The following KIF26B variants were observed in gnomAD, a reference collection of about 807,000 sequenced individuals.
The protein encoded by KIF26B is kinesin-like protein KIF26B.
KIF26B carries 63 observed loss-of-function variants against 151.2 expected under a neutral mutation model. The ratio of observed to expected loss-of-function variants is 0.42; its 90% CI spans 0.34 to 0.51. The LOEUF is 0.51. Among genes scored for constraint, KIF26B ranks in the 20% least tolerant of loss-of-function variants. The pLI is 0.07. For missense variants in KIF26B, 2,813 were observed against 2,913.6 expected (o/e 0.97, Z 0.79); for synonymous variants, 1,357 against 1,262.1 (o/e 1.08, Z -1.59).
chr1:245,331,098 C>T (rs1011705739), intron 2 of KIF26B, among the ~76,000 whole-genome samples: 2 of 151,834 alleles, frequency 1.3e-5, no homozygotes, highest in African/African-American at 4.8e-5. Flanking sequence ...CGGCAGGGGG[C>T]GGTGGGAGTC....
chr1:245,589,138 T>C (rs943430327), intron 5 of KIF26B, among the ~76,000 whole-genome samples: 3 of 152,230 alleles, frequency 2.0e-5, no homozygotes, highest in Non-Finnish European at 4.4e-5. Context: ...TTTCCACCTC[T>C]TGACCCAAAA....
At chr1:245,665,541 T>C (rs1572187605) in intron 10 of KIF26B, among the ~76,000 whole-genome samples, 1 of 152,222 alleles carries the variant, frequency 6.6e-6, no homozygotes, top group East Asian at 1.9e-4. Flanking sequence ...ATTTTTGTAG[T>C]TCAGTTACTC....
intron 5 of KIF26B, among the ~76,000 whole-genome samples, chr1:245,594,722 G>T (rs911640373): frequency 1.3e-5 from 2 of 152,168 alleles, no homozygotes; most frequent in Admixed American, 6.5e-5. Flanking sequence ...ATGGTAGCTT[G>T]GTGGGAATAG....
intron 4 of KIF26B, among the ~76,000 whole-genome samples, chr1:245,465,727 A>G (rs1329920995): frequency 1.3e-5 from 2 of 152,188 alleles, no homozygotes; most frequent in Admixed American, 6.5e-5. Context: ...GGTGCAGGCA[A>G]GCCGTGGTGC....
intron 5 of KIF26B, among the ~76,000 whole-genome samples, chr1:245,548,288 A>C (rs1661794722): frequency 6.6e-6 from 1 of 152,196 alleles, no homozygotes; most frequent in African/African-American, 2.4e-5. Context: ...TGAACTTAAA[A>C]AAAAAAATTC....
rs534223598 is a variant in KIF26B, at chr1:245,538,372, A to C, written c.1167-2395A>C. Among the ~76,000 whole-genome samples the C allele has an allele frequency of 2.0e-5, 3 of 152,142 alleles. No homozygotes were observed. In the South Asian group the frequency reaches 6.2e-4, roughly 32 times the overall value. On this transcript the variant is annotated intron_variant, in intron 4 of 14. Transcript: ENST00000407071. ...AGAAGGATTTGTGTTTTATGTTTTA[A>C]GATGAGAGAAATAACAACATGTCTA...
intron 2 of KIF26B, among the ~76,000 whole-genome samples, chr1:245,349,241 T>C (rs765699743): frequency 6.6e-6 from 1 of 152,204 alleles, no homozygotes; most frequent in African/African-American, 2.4e-5. Flanking sequence ...GTAAATTTCT[T>C]TGATTGTAAA....
intron 5 of KIF26B, among the ~76,000 whole-genome samples, chr1:245,559,488 C>T (rs2042915279): frequency 6.6e-6 from 1 of 152,150 alleles, no homozygotes; most frequent in Non-Finnish European, 1.5e-5. Context: ...TCTCAGCTCA[C>T]TGCAACCCCC....
intron 3 of KIF26B, among the ~76,000 whole-genome samples, chr1:245,391,853 A>G (rs1194085777): frequency 6.6e-6 from 1 of 152,136 alleles, no homozygotes; most frequent in African/African-American, 2.4e-5. Context: ...GTGACTATCA[A>G]TAGGTATATA....
chr1:245,693,941 T>C (rs1324154639), intron 12 of KIF26B, among the ~76,000 whole-genome samples: 1 of 152,202 alleles, frequency 6.6e-6, no homozygotes, highest in Non-Finnish European at 1.5e-5. Flanking sequence ...GAGAGCCTTT[T>C]TGAATACACA....
At chr1:245,158,644 C>T (rs1291590778) in intron 2 of KIF26B, among the ~76,000 whole-genome samples, 4 of 152,122 alleles carry the variant, frequency 2.6e-5, no homozygotes, top group South Asian at 2.1e-4. Flanking sequence ...TAAGTGCATA[C>T]GTGAATGTCA....
At position 245,619,120 on chromosome 1, in the gene KIF26B, C is replaced by G. The variant is rs368371216; in HGVS notation, c.2098+7144C>G. Among the ~76,000 whole-genome samples the G allele has an allele frequency of 5.0e-5, 7 of 140,558 alleles. No homozygotes were observed. In the East Asian group the frequency reaches 1.4e-3, roughly 29 times the overall value. The allele number at this position is 140,558 out of a possible 152,430, so 92.2% of individuals were successfully genotyped here. Reference sequence around the variant, plus strand: ...GAGTGCCACAGTGCTGGGGCTGTGTCTGCTGCGTGCTGTTGGTGAGCTTGT... The same window carrying G: ...GAGTGCCACAGTGCTGGGGCTGTGTGTGCTGCGTGCTGTTGGTGAGCTTGT... On this transcript the variant is annotated intron_variant, in intron 9 of 14. Transcript: ENST00000407071.
intron 2 of KIF26B, chr1:245,234,530 G>A (rs1271338594): frequency 6.6e-6 from 1 of 152,430 alleles, no homozygotes; most frequent in Non-Finnish European, 1.5e-5. Flanking sequence ...ACAGGACTGG[G>A]CGGGAGAACT....
Position 245,687,122 on chromosome 1 carries a change from G to A in KIF26B, c.4139G>A (p.Ser1380Asn). The change falls in exon 12 of 15, where the codon AGC (serine) becomes AAC (asparagine). Residue 1380 changes from serine (S) to asparagine (N), a missense_variant. Transcript: ENST00000407071. The surrounding 1 kb of genome is among the most constrained non-coding windows in gnomAD (Gnocchi z 4.9). ...ATCTCCAACACGGCCAATCTGAGCA[G>A]CTGCGAGGGGTACATCCCCATGAAG... ...VTISNTANLS[S>N]CEGYIPMKTN... 1 of 1,613,448 alleles carries A rather than the reference G, an allele frequency of 6.2e-7. No homozygotes were observed. Among genetic ancestry groups the A allele is most frequent in the East Asian group, 2.2e-5 (1 of 44,868 alleles).
At chr1:245,576,498 G>A (rs2043120002) in intron 5 of KIF26B, among the ~76,000 whole-genome samples, 1 of 152,196 alleles carries the variant, frequency 6.6e-6, no homozygotes, top group African/African-American at 2.4e-5. Flanking sequence ...CAGCCCAGTG[G>A]GAGGGGGCCC....
chr1:245,528,444 C>A (rs369502841), intron 4 of KIF26B, among the ~76,000 whole-genome samples: 1 of 152,182 alleles, frequency 6.6e-6, no homozygotes, highest in East Asian at 1.9e-4. Context: ...CATTGTCCAA[C>A]GTACTTCTGC....
chr1:245,376,341 G>A (rs367550761), intron 3 of KIF26B, among the ~76,000 whole-genome samples: 5 of 152,094 alleles, frequency 3.3e-5, no homozygotes, highest in East Asian at 1.9e-4. Flanking sequence ...TGGGGATTCC[G>A]GAGCAGGGGA....
chr1:245,271,591 T>A (rs528353183), intron 2 of KIF26B, among the ~76,000 whole-genome samples: 2 of 152,010 alleles, frequency 1.3e-5, no homozygotes, highest in Non-Finnish European at 2.9e-5. Context: ...GCTTTTTTTT[T>A]TTTTTTACAT....
At chr1:245,383,128 G>A (rs1223048212) in intron 3 of KIF26B, among the ~76,000 whole-genome samples, 3 of 151,820 alleles carry the variant, frequency 2.0e-5, no homozygotes, top group East Asian at 3.9e-4. Flanking sequence ...TACTCACAGA[G>A]CATGGCTCTC....
Sources: gnomAD v4.1 joint callset for allele counts (sites outside exome capture counted in the v4.1 genomes callset) on GRCh38, gnomAD v4.1.1 for gene constraint, Gnocchi (gnomAD v3.1) non-coding constraint, MANE v1.5 for transcripts, NCBI Gene and HGNC (gene_info 2026-07-23, HGNC 2026-07-21) for gene names.